Variants in CSNK1G1 observed in about 807,000 individuals in gnomAD.
CSNK1G1 encodes casein kinase I isoform gamma-1.
CSNK1G1 carries 22 observed loss-of-function variants against 59.6 expected under a neutral mutation model. The ratio of observed to expected loss-of-function variants is 0.37; its 90% CI spans 0.26 to 0.53. The LOEUF (loss-of-function observed/expected upper bound fraction) is 0.53. CSNK1G1 is among the 20% of genes least tolerant of loss of function. CSNK1G1 has a pLI of 0.89. For synonymous variants in CSNK1G1, 179 were observed against 177.1 expected, an observed-to-expected ratio of 1.01 and a Z score of -0.08; for missense variants, 384 against 519.5, an observed-to-expected ratio of 0.74 and a Z score of 2.54.
chr15:64,273,749 A>AT (rs1893455066), intron 2 of CSNK1G1, among the ~76,000 whole-genome samples: 2 of 151,938 alleles, frequency 1.3e-5, no homozygotes, highest in East Asian at 1.9e-4. Context: ...AAAAAAAAAA[A>AT]ATCACATAAT....
chr15:64,302,290 G>A (rs1293795188), intron 1 of CSNK1G1, among the ~76,000 whole-genome samples: 3 of 151,864 alleles, frequency 2.0e-5, no homozygotes, highest in African/African-American at 4.8e-5. Context: ...TAGTAGAGAC[G>A]GGGTTTCACC....
chr15:64,196,704 G>A (rs755591010), intron 10 of CSNK1G1, among the ~76,000 whole-genome samples: 8 of 151,500 alleles, frequency 5.3e-5, no homozygotes, highest in African/African-American at 1.9e-4. Context: ...CGCCCGCCTC[G>A]GCCTCCCAAA....
chr15:64,273,730 TAA>T (rs780466407), intron 2 of CSNK1G1, among the ~76,000 whole-genome samples: 104 of 108,842 alleles, frequency 9.6e-4, no homozygotes, highest in Admixed American at 1.7e-3. Context: ...GCTGATGAGC[TAA>T]AAAAAAAAAA....
rs538383641 is a variant in CSNK1G1, at chr15:64,239,058, G to T, written c.292+12454C>A. 3.3e-5 allele frequency among the ~76,000 whole-genome samples: 5 copies of T among 152,270 alleles called. No individual in the cohort carries two copies. The East Asian group carries it at 9.7e-4, about 29-fold the overall frequency. On this transcript the variant is annotated intron_variant, in intron 4 of 11. Transcript: ENST00000303052. ...GATGTTTAATGTAGCCAAAGAAGTT[G>T]CACAGAGGCTGTATCACTAAACCTA...
At chr15:64,266,835 A>C (rs72756971) in intron 2 of CSNK1G1, among the ~76,000 whole-genome samples, 6,731 of 152,316 alleles carry the variant, frequency 0.044, 195 homozygotes, top group South Asian at 0.085. Flanking sequence ...GTAGACCCTT[A>C]TCTCTCACCT....
chr15:64,266,031 T>C, intron 2 of CSNK1G1: 1 of 273,974 alleles, frequency 3.6e-6, no homozygotes, highest in Non-Finnish European at 7.5e-6. Context: ...ATCATGTCAC[T>C]ACACTCCAGC....
rs1169439057 is a variant in CSNK1G1, at chr15:64,182,814, T to C, written c.1108-2360A>G. ...AGAGTTTATTGCATTTCCCTCCCGATTTCTCTGTAGAGTTGAAATTTTCAA... is the reference window on the plus strand; with the variant it reads ...AGAGTTTATTGCATTTCCCTCCCGACTTCTCTGTAGAGTTGAAATTTTCAA... On this transcript the variant is annotated intron_variant, in intron 10 of 11. Coordinates refer to ENST00000303052, the MANE Select transcript of CSNK1G1 (RefSeq NM_022048.5). Among the ~76,000 whole-genome samples the C allele has an allele frequency of 2.0e-5, 3 of 152,326 alleles. No individual in the cohort carries two copies. The South Asian group carries it at 6.2e-4, about 32-fold the overall frequency.
intron 6 of CSNK1G1, among the ~76,000 whole-genome samples, chr15:64,213,421 A>G (rs1383212663): frequency 1.3e-5 from 2 of 152,188 alleles, no homozygotes; most frequent in African/African-American, 4.8e-5. Context: ...TGGTAAACCA[A>G]GTATATTTTC....
At chr15:64,235,798 T>C (rs762432242) in intron 4 of CSNK1G1, among the ~76,000 whole-genome samples, 14 of 152,234 alleles carry the variant, frequency 9.2e-5, no homozygotes, top group African/African-American at 2.9e-4. Context: ...CTCATTTGTA[T>C]TGTATATATT....
At chr15:64,309,400 C>T (rs1404569358) in intron 1 of CSNK1G1, among the ~76,000 whole-genome samples, 1 of 151,438 alleles carries the variant, frequency 6.6e-6, no homozygotes, top group Non-Finnish European at 1.5e-5. Flanking sequence ...ACAGATCTCA[C>T]AAGGCTAAAA....
chr15:64,230,622 A>T lies in CSNK1G1; in HGVS notation c.293-13909T>A, dbSNP rs868101492. Among the ~76,000 whole-genome samples, 4 of 152,062 alleles carry T rather than the reference A, an allele frequency of 2.6e-5. No individual in the cohort carries two copies. The South Asian group carries it at 8.3e-4, about 31-fold the overall frequency. On this transcript the variant is annotated intron_variant, in intron 4 of 11. Coordinates refer to ENST00000303052, the MANE Select transcript of CSNK1G1 (RefSeq NM_022048.5). ...TGACTCTAGGCTTGGGCCTATTTTCAACATTTAGCACGACAGTCCCCATTA... is the reference window on the plus strand; with the variant it reads ...TGACTCTAGGCTTGGGCCTATTTTCTACATTTAGCACGACAGTCCCCATTA...
intron 2 of CSNK1G1, among the ~76,000 whole-genome samples, chr15:64,270,614 G>A (rs750163425): frequency 6.6e-6 from 1 of 152,038 alleles, no homozygotes; most frequent in African/African-American, 2.4e-5. Context: ...AAAAAAATTA[G>A]CCGGGCGTGG....
At chr15:64,206,551 G>C (rs866229140) in intron 7 of CSNK1G1, among the ~76,000 whole-genome samples, 23 of 138,954 alleles carry the variant, frequency 1.7e-4, no homozygotes, top group African/African-American at 6.5e-4. Flanking sequence ...AGGTTGCAGC[G>C]AGCCCAGCCT....
intron 4 of CSNK1G1, among the ~76,000 whole-genome samples, chr15:64,222,997 A>G (rs531368767): frequency 1.3e-5 from 2 of 152,302 alleles, no homozygotes; most frequent in African/African-American, 4.8e-5. Flanking sequence ...TTTCTTACAG[A>G]AAATATACCT....
intron 1 of CSNK1G1, among the ~76,000 whole-genome samples, chr15:64,337,633 G>A (rs143961557): frequency 2.2e-4 from 34 of 152,156 alleles, no homozygotes; most frequent in African/African-American, 8.2e-4. Flanking sequence ...ACCTGGCTTT[G>A]TTTTTTACTG....
At chr15:64,308,339 T>A (rs1196153761) in intron 1 of CSNK1G1, among the ~76,000 whole-genome samples, 1 of 152,094 alleles carries the variant, frequency 6.6e-6, no homozygotes, top group African/African-American at 2.4e-5. Flanking sequence ...GTTCAAGAGA[T>A]CCTCCAGCCT....
intron 1 of CSNK1G1, among the ~76,000 whole-genome samples, chr15:64,345,844 T>A (rs946871342): frequency 4.6e-5 from 7 of 152,044 alleles, no homozygotes; most frequent in African/African-American, 1.7e-4. Flanking sequence ...TAGGCTGGAG[T>A]GCAGTGGCAC....
chr15:64,354,038 G>C (rs1269170369), intron 1 of CSNK1G1, among the ~76,000 whole-genome samples: 1 of 152,132 alleles, frequency 6.6e-6, no homozygotes, highest in Admixed American at 6.6e-5. Flanking sequence ...GGGCACGGTG[G>C]CTCACACCTG....
intron 2 of CSNK1G1, among the ~76,000 whole-genome samples, chr15:64,267,625 A>G (rs1566926418): frequency 6.6e-6 from 1 of 152,254 alleles, no homozygotes; most frequent in Non-Finnish European, 1.5e-5. Flanking sequence ...ACCTCACTCC[A>G]GTTAAAATGG....
Sources: allele counts gnomAD v4.1 joint callset (sites outside exome capture counted in the v4.1 genomes callset), GRCh38; gene constraint gnomAD v4.1.1; transcripts MANE v1.5; gene names NCBI Gene and HGNC (gene_info 2026-07-23, HGNC 2026-07-21).